Variants in GRID2 observed in about 807,000 individuals in gnomAD.
GRID2 encodes the protein glutamate ionotropic receptor delta type subunit 2, also known as glutamate receptor ionotropic, delta-2.
Under a neutral mutation model 114.8 loss-of-function variants are expected in GRID2, and 33 were observed. The observed-to-expected ratio is 0.29, with a 90% CI of 0.22 to 0.38. GRID2 has a LOEUF of 0.38. Ranked by LOEUF, GRID2 falls within the 10% of genes least tolerant of loss-of-function variation. GRID2 has a pLI of 1.00. For missense variants in GRID2, 1,184 were observed against 1,257.7 expected (o/e 0.94, Z 0.89); for synonymous variants, 505 against 449.9 (o/e 1.12, Z -1.55).
intron 4 of GRID2, among the ~76,000 whole-genome samples, chr4:93,204,640 T>C (rs1742487432): frequency 6.6e-6 from 1 of 152,162 alleles, no homozygotes; most frequent in South Asian, 2.1e-4. Context: ...CAATATTATT[T>C]CTTGCTTTTG....
At chr4:93,658,900 T>C (rs1348991884) in intron 14 of GRID2, among the ~76,000 whole-genome samples, 1 of 152,180 alleles carries the variant, frequency 6.6e-6, no homozygotes, top group Non-Finnish European at 1.5e-5. Context: ...GAGCACATGT[T>C]AACAAACCTT....
chr4:92,555,682 T>C (rs1317952918), intron 1 of GRID2, among the ~76,000 whole-genome samples: 1 of 152,188 alleles, frequency 6.6e-6, no homozygotes, highest in East Asian at 1.9e-4. Flanking sequence ...AAGACAGCTT[T>C]TCACATTTCC....
chr4:93,076,675 T>C (rs773938784), intron 2 of GRID2, among the ~76,000 whole-genome samples: 1 of 143,692 alleles, frequency 7.0e-6, no homozygotes, highest in Non-Finnish European at 1.5e-5. Flanking sequence ...TGGAGTGCAA[T>C]GGCGCAATCT....
chr4:93,779,226 A>G (rs569317502), downstream of GRID2, among the ~76,000 whole-genome samples: 146 of 146,960 alleles, frequency 9.9e-4, 3 homozygotes, highest in South Asian at 0.03. Context: ...TTTTTTAATG[A>G]GTTTAGTACC....
chr4:93,049,745 A>G (rs1033763979), intron 2 of GRID2, among the ~76,000 whole-genome samples: 6 of 151,986 alleles, frequency 3.9e-5, no homozygotes, highest in Admixed American at 3.3e-4. Flanking sequence ...ACTAATATAA[A>G]TATATGTGAT....
chr4:93,477,226 T>C (rs1417529173), intron 11 of GRID2, among the ~76,000 whole-genome samples: 8 of 152,106 alleles, frequency 5.3e-5, no homozygotes, highest in Non-Finnish European at 1.0e-4. Context: ...CTTGTGACAA[T>C]GAGCCTGCTC....
intron 1 of GRID2, among the ~76,000 whole-genome samples, chr4:92,372,006 CA>C (rs746076473): frequency 3.9e-5 from 6 of 152,090 alleles, no homozygotes; most frequent in Non-Finnish European, 7.4e-5. Flanking sequence ...GCACTCACTA[CA>C]AATGTGGTAG....
chr4:93,476,694 T>C (rs550491486), intron 11 of GRID2, among the ~76,000 whole-genome samples: 6 of 152,098 alleles, frequency 3.9e-5, no homozygotes, highest in Non-Finnish European at 8.8e-5. Context: ...TCTAAATATA[T>C]GTGTGTGGTT....
intron 9 of GRID2, among the ~76,000 whole-genome samples, chr4:93,417,182 T>C (rs1049052782): frequency 1.1e-4 from 16 of 152,094 alleles, no homozygotes; most frequent in African/African-American, 3.4e-4. Context: ...TTTGAAAATA[T>C]ATGTTAAATA....
At chr4:92,765,417 A>G (rs1738211046) in intron 2 of GRID2, among the ~76,000 whole-genome samples, 1 of 151,110 alleles carries the variant, frequency 6.6e-6, no homozygotes, top group Non-Finnish European at 1.5e-5. Flanking sequence ...GGTAAGGATA[A>G]TGGAAATGCA....
chr4:92,475,150 TAATA>T (rs1722240590), intron 1 of GRID2, among the ~76,000 whole-genome samples: 1 of 138,644 alleles, frequency 7.2e-6, no homozygotes, highest in Non-Finnish European at 1.6e-5. Context: ...ATAATAATAA[TAATA>T]AAAAGCTTTT....
chr4:93,490,841 CTGAGAA>C (rs1726925775), intron 12 of GRID2, 64 bp downstream of exon 12: 3 of 1,130,378 alleles, frequency 2.7e-6, no homozygotes, highest in Non-Finnish European at 4.0e-6. Context: ...CCAAAGCTAT[CTGAGAA>C]TAAGTATGTG....
chr4:92,966,461 G>T (rs951419948), intron 2 of GRID2, among the ~76,000 whole-genome samples: 3 of 152,002 alleles, frequency 2.0e-5, no homozygotes, highest in Middle Eastern at 6.8e-3. Flanking sequence ...CCAGATTTCA[G>T]TGGGCTCTGA....
intron 1 of GRID2, among the ~76,000 whole-genome samples, chr4:92,454,254 C>A (rs1036393590): frequency 6.6e-6 from 1 of 152,064 alleles, no homozygotes; most frequent in Non-Finnish European, 1.5e-5. Flanking sequence ...CACCTGGCTT[C>A]AAATTCTATT....
At chr4:93,319,279 C>G (rs1756987563) in intron 8 of GRID2, among the ~76,000 whole-genome samples, 1 of 152,094 alleles carries the variant, frequency 6.6e-6, no homozygotes, top group South Asian at 2.1e-4. Flanking sequence ...AAATTAGTGA[C>G]TCAGTAGATA....
At chr4:92,569,093 A>G (rs923198879) in intron 1 of GRID2, among the ~76,000 whole-genome samples, 29 of 151,878 alleles carry the variant, frequency 1.9e-4, no homozygotes, top group African/African-American at 6.5e-4. Context: ...GCCAACATCC[A>G]TTATTCTTCC....
intron 13 of GRID2, among the ~76,000 whole-genome samples, chr4:93,544,744 T>G (rs1733031442): frequency 6.7e-6 from 1 of 149,340 alleles, no homozygotes; most frequent in African/African-American, 2.5e-5. Flanking sequence ...ACCATTGCAC[T>G]TCAGCCTGGG....
intron 1 of GRID2, among the ~76,000 whole-genome samples, chr4:92,541,486 T>TAATAAG (rs1560699601): frequency 6.6e-6 from 1 of 151,462 alleles, no homozygotes; most frequent in Non-Finnish European, 1.5e-5. Flanking sequence ...AATTTTCCAA[T>TAATAAG]AATAATAATA....
intron 1 of GRID2, among the ~76,000 whole-genome samples, chr4:92,452,852 ATTTACCATATATATTTT>A (rs1375807117): frequency 3.0e-5 from 4 of 132,728 alleles, no homozygotes; most frequent in Non-Finnish European, 6.9e-5. Context: ...ATATATATAT[ATTTACCATATATATTTT>A]TTTACCATAT....
Sources: allele counts gnomAD v4.1 joint callset (sites outside exome capture counted in the v4.1 genomes callset), GRCh38; gene constraint gnomAD v4.1.1; transcripts MANE v1.5; gene names NCBI Gene and HGNC (gene_info 2026-07-23, HGNC 2026-07-21).